DPY19L2: variants seen among roughly 807,000 people sequenced by gnomAD.
DPY19L2 encodes the protein dpy-19 like 2.
Under a neutral mutation model 97.9 loss-of-function variants are expected in DPY19L2, and 34 were observed. That is an observed-to-expected ratio of 0.35 (90% CI 0.26 to 0.46). DPY19L2 has a LOEUF of 0.46. DPY19L2 is among the 20% of genes least tolerant of loss of function. DPY19L2 has a pLI of 1.00. For missense variants in DPY19L2, 623 were observed against 911.4 expected, an observed-to-expected ratio of 0.68 and a Z score of 4.07; for synonymous variants, 230 against 307.9, an observed-to-expected ratio of 0.75 and a Z score of 2.65.
intron 14 of DPY19L2, 44 bp from the exon 15 acceptor site, chr12:63,596,081 A>G: frequency 6.5e-7 from 1 of 1,540,162 alleles, no homozygotes. Flanking sequence ...TACAATTTTT[A>G]CATTAAATTA....
chr12:63,648,653 C>T (rs993330849), intron 4 of DPY19L2, among the ~76,000 whole-genome samples: 2 of 151,990 alleles, frequency 1.3e-5, no homozygotes, highest in East Asian at 3.9e-4. Flanking sequence ...GTCTCAAACT[C>T]CTGACCTCAG....
chr12:63,572,224 C>T (rs1484686031), intron 19 of DPY19L2, among the ~76,000 whole-genome samples: 2 of 152,128 alleles, frequency 1.3e-5, no homozygotes, highest in African/African-American at 4.8e-5. Context: ...CCTGGCAGCA[C>T]TCACCACAAG....
At chr12:63,615,922 G>T (rs1486113055) in intron 11 of DPY19L2, among the ~76,000 whole-genome samples, 3 of 151,696 alleles carry the variant, frequency 2.0e-5, no homozygotes, top group African/African-American at 7.3e-5. Flanking sequence ...ACAGCAGATA[G>T]AAAATATTTG....
At chr12:63,627,510 C>T (rs963025905) in intron 6 of DPY19L2, among the ~76,000 whole-genome samples, 4 of 152,192 alleles carry the variant, frequency 2.6e-5, no homozygotes, top group African/African-American at 9.6e-5. Flanking sequence ...GCCACCACAC[C>T]TGGCGATTTT....
chr12:63,579,724 T>C (rs1880533380), intron 19 of DPY19L2, among the ~76,000 whole-genome samples: 1 of 152,072 alleles, frequency 6.6e-6, no homozygotes. Flanking sequence ...GGGGATTACT[T>C]TTAAAATTCT....
chr12:63,604,551 A>G (rs1451995231), intron 12 of DPY19L2, among the ~76,000 whole-genome samples: 1 of 152,044 alleles, frequency 6.6e-6, no homozygotes, highest in Non-Finnish European at 1.5e-5. Context: ...TTTTCTCTCA[A>G]TTTAGATTGG....
In DPY19L2 at chr12:63,566,685, T is replaced by C. The variant is rs529813566; in HGVS notation, c.2126+2539A>G. On this transcript the variant is annotated intron_variant, in intron 21 of 21. Transcript: ENST00000324472. ...GAATAGATCACTATTATTTAATCATTCACCTTGCGAAAAACATCTGGGTTG... is the reference window on the plus strand; with the variant it reads ...GAATAGATCACTATTATTTAATCATCCACCTTGCGAAAAACATCTGGGTTG... 4.2e-3 allele frequency among the ~76,000 whole-genome samples: 639 copies of C among 152,070 alleles called. 11 individuals are homozygous for C. Among genetic ancestry groups the C allele is most frequent in the African/African-American group, 0.015 (604 of 41,476 alleles).
intron 8 of DPY19L2, among the ~76,000 whole-genome samples, chr12:63,623,597 T>C (rs550971312): frequency 6.6e-6 from 1 of 152,258 alleles, no homozygotes; most frequent in South Asian, 2.1e-4. Context: ...TACATAGCAA[T>C]TTTGAATTAT....
intron 19 of DPY19L2, among the ~76,000 whole-genome samples, chr12:63,578,898 A>G (rs1880370295): frequency 6.6e-6 from 1 of 151,936 alleles, no homozygotes; most frequent in Admixed American, 6.6e-5. Flanking sequence ...CATCTTGTAG[A>G]TAGAGGCCAA....
chr12:63,565,241 C>A (rs1312599642), intron 21 of DPY19L2, among the ~76,000 whole-genome samples: 3 of 152,106 alleles, frequency 2.0e-5, no homozygotes, highest in Non-Finnish European at 4.4e-5. Flanking sequence ...AACAAATTAC[C>A]ACAAACAGTT....
rs774195399 is a variant in DPY19L2 at position 63,582,573 on chromosome 12, T to G, written c.1606-48A>C. ...AATCACATTTTTACTTTTCATATTT[T>G]TAAATTAATGAAGTATATTAAAACT... On this transcript the variant is annotated intron_variant, in intron 17 of 21. Transcript: ENST00000324472. 3 of 1,560,560 alleles carry G rather than the reference T, an allele frequency of 1.9e-6. No individual in the cohort carries two copies. In the Admixed American group the frequency reaches 5.5e-5, roughly 28 times the overall value.
rs1384397815 is a variant in DPY19L2, at chr12:63,656,535, G to A, written c.588+4809C>T. On this transcript the variant is annotated intron_variant, in intron 4 of 21. Coordinates refer to ENST00000324472, the MANE Select transcript of DPY19L2 (RefSeq NM_173812.5). ...TATCTATTCATTCATGCATTTGTTT[G>A]ATATTTATCCTTTTTGATGTTCTCT... is the stretch of plus-strand genomic sequence containing the variant. Among the ~76,000 whole-genome samples the A allele has an allele frequency of 2.6e-5, 4 of 152,236 alleles. No individual in the cohort carries two copies. In the East Asian group the frequency reaches 5.8e-4, roughly 22 times the overall value.
At chr12:63,609,918 G>GT (rs1339181977) in intron 11 of DPY19L2, among the ~76,000 whole-genome samples, 9 of 152,020 alleles carry the variant, frequency 5.9e-5, no homozygotes, top group African/African-American at 2.2e-4. Context: ...AAATATAAAT[G>GT]TATCAGATGA....
intron 3 of DPY19L2, 65 bp from the exon 4 acceptor site, chr12:63,661,546 C>A (rs1377683710): frequency 1.7e-6 from 2 of 1,171,358 alleles, no homozygotes; most frequent in South Asian, 1.9e-5. Flanking sequence ...ATTTTTATCA[C>A]TTCTTTAGAA....
In DPY19L2 at chr12:63,580,755, C is replaced by T. The variant is rs1034367115; in HGVS notation, c.1807G>A (p.Ala603Thr). The stretch of plus-strand genomic sequence containing the variant: ...ATGCTCCATTGATTACGGAGGTTTG[C>T]ATAACCTTGTATTGACATCACTGTT... ...ILTVMSIQGYANLRNQWSIIG... is the reference protein window; with the variant it reads ...ILTVMSIQGYTNLRNQWSIIG... Residue 603 changes from alanine to threonine, a missense_variant, in exon 19 of 22, where the codon GCA becomes ACA. Ala to Thr is a moderately conservative substitution (Grantham distance 58). Transcript: ENST00000324472. The T allele has an allele frequency of 6.2e-7, 1 of 1,613,664 alleles. No homozygotes were observed. The highest frequency in any genetic ancestry group is 1.1e-5 in the South Asian group (1 of 91,032).
intron 12 of DPY19L2, among the ~76,000 whole-genome samples, chr12:63,600,874 C>T (rs943667949): frequency 3.9e-5 from 6 of 151,970 alleles, no homozygotes; most frequent in South Asian, 4.2e-4. Flanking sequence ...CAAGCTCCGC[C>T]TCCCGGGTTC....
Position 63,642,583 on chromosome 12 carries a change from G to A in DPY19L2, c.803+1820C>T, listed in dbSNP as rs556300707. Among the ~76,000 whole-genome samples, 46 of 151,988 alleles carry A rather than the reference G, an allele frequency of 3.0e-4. No individual in the cohort carries two copies. In the South Asian group the frequency reaches 9.1e-3, roughly 30 times the overall value. On this transcript the variant is annotated intron_variant, in intron 6 of 21. Coordinates refer to ENST00000324472, the MANE Select transcript of DPY19L2 (RefSeq NM_173812.5). ...TGCCTGTCCTTACTCACCAATCTGC[G>A]ATACCCACTCTTCCATATATCAAAT...
chr12:63,598,574 A>G (rs1884639898), intron 13 of DPY19L2, among the ~76,000 whole-genome samples: 2 of 152,156 alleles, frequency 1.3e-5, no homozygotes, highest in South Asian at 4.1e-4. Context: ...TTTCCACAGC[A>G]TCCTCAGAAG....
At position 63,594,652 on chromosome 12, in the gene DPY19L2, CTGT is replaced by C. The variant is rs1883888357; in HGVS notation, c.1534-522_1534-520del. Among the ~76,000 whole-genome samples, 79 of 111,910 alleles carry C rather than the reference CTGT, an allele frequency of 7.1e-4. 1 individual carries two copies. Among genetic ancestry groups the C allele is most frequent in the African/African-American group, 3.4e-3 (77 of 22,386 alleles). 73.4% of individuals were successfully genotyped at this position (111,910 alleles called of 152,430 possible). ...GCTGCAGGGACGTGTGTGTGCGTGT[CTGT>C]GTGTGTGTGTGTGTGTATGCACATG... On this transcript the variant is annotated intron_variant, in intron 15 of 21. Transcript: ENST00000324472.
Sources: allele counts gnomAD v4.1 joint callset (sites outside exome capture counted in the v4.1 genomes callset), GRCh38; gene constraint gnomAD v4.1.1; transcripts MANE v1.5; gene names NCBI Gene and HGNC (gene_info 2026-07-23, HGNC 2026-07-21).